Variants in ARID2 observed in about 807,000 individuals in gnomAD.
The protein encoded by ARID2 is AT-rich interactive domain-containing protein 2.
Under a neutral mutation model 184.6 loss-of-function variants are expected in ARID2, and 32 were observed. That is an observed-to-expected ratio of 0.17 (90% CI 0.13 to 0.23). ARID2 has a LOEUF of 0.23. ARID2 is among the 10% of genes least tolerant of loss of function. The pLI, the probability that ARID2 is intolerant of heterozygous loss-of-function variation, is 1.00. For missense variants in ARID2, 1,696 were observed against 2,197.6 expected, an observed-to-expected ratio of 0.77 and a Z score of 4.56; for synonymous variants, 836 against 772.6, an observed-to-expected ratio of 1.08 and a Z score of -1.36.
At chr12:45,742,118 A>T (rs139488035) in intron 3 of ARID2, among the ~76,000 whole-genome samples, 212 of 152,290 alleles carry the variant, frequency 1.4e-3, no homozygotes, top group Admixed American at 3.7e-3. Flanking sequence ...CAAACCTACC[A>T]AGTAGCTACA....
At chr12:45,821,886 T>C (rs946364586) in intron 6 of ARID2, among the ~76,000 whole-genome samples, 6 of 152,194 alleles carry the variant, frequency 3.9e-5, no homozygotes, top group African/African-American at 1.4e-4. Flanking sequence ...GATTAGTAAG[T>C]GTCCATCTAG....
chr12:45,875,583 G>C (rs1277266740), intron 16 of ARID2, among the ~76,000 whole-genome samples: 1 of 152,204 alleles, frequency 6.6e-6, no homozygotes, highest in Admixed American at 6.5e-5. Context: ...TCTTCTTCCA[G>C]TAAAAGGCTG....
rs763349190 is a variant in ARID2 at position 45,905,200 on chromosome 12, C to T, written c.*122C>T. 7.1e-6 allele frequency: 7 copies of T among 991,986 alleles called. No individual in the cohort carries two copies. The highest frequency in any genetic ancestry group is 5.6e-6 in the Non-Finnish European group (4 of 712,386). 61.4% of individuals were successfully genotyped at this position (991,986 alleles called of 1,614,324 possible). ...TAGAATGAATTATTTTATCTCCTCC[C>T]ATGATGCTGAGAGGAAGCTTCGTAT... On this transcript the variant is annotated 3_prime_UTR_variant, in exon 21 of 21. Coordinates refer to ENST00000334344, the MANE Select transcript of ARID2 (RefSeq NM_152641.4).
At position 45,852,883 on chromosome 12, in the gene ARID2, A is replaced by G; in HGVS notation, c.4760A>G (p.Asn1587Ser). ...CAGCATCCACCAACATATGTACAGA[A>G]TGTGGTCCCGCAGGTAAGTTATTCC... ...KQQHPPTYVQ[N>S]VVPQNTPMPP... Residue 1587 changes from asparagine (N) to serine (S), a missense_variant, in exon 15 of 21, where the codon AAT becomes AGT. This residue lies in a region of ARID2 where 111 missense variants were observed against 154.0 expected (regional missense o/e 0.72). Transcript: ENST00000334344. 5.1e-6 allele frequency: 8 copies of G among 1,581,378 alleles called. No individual in the cohort carries two copies. Among genetic ancestry groups the G allele is most frequent in the Non-Finnish European group, 6.9e-6 (8 of 1,162,338 alleles).
At chr12:45,788,692 C>G (rs139331815) in intron 3 of ARID2, among the ~76,000 whole-genome samples, 3 of 152,054 alleles carry the variant, frequency 2.0e-5, no homozygotes, top group African/African-American at 7.2e-5. Context: ...TTTCTACCAC[C>G]CTTTTTGTTT....
Position 45,852,520 on chromosome 12 carries a change from G to A in ARID2, c.4397G>A (p.Ser1466Asn). Residue 1466 changes from serine (S) to asparagine (N), a missense_variant, in exon 15 of 21, where the codon AGT becomes AAT. Coordinates refer to ENST00000334344, the MANE Select transcript of ARID2 (RefSeq NM_152641.4). ...TCAGATGTGCCTCAGCAACGCCCAA[G>A]TGTAGTTGTCTCACCACATTCTACA... ...LNSDVPQQRP[S>N]VVVSPHSTTS... 6.2e-7 allele frequency: 1 copy of A among 1,614,194 alleles called. No homozygotes were observed. The highest frequency in any genetic ancestry group is 8.5e-7 in the Non-Finnish European group (1 of 1,180,024).
At chr12:45,813,441 TGTGC>T (rs1388391565) in intron 4 of ARID2, among the ~76,000 whole-genome samples, 1 of 143,356 alleles carries the variant, frequency 7.0e-6, no homozygotes, top group Non-Finnish European at 1.5e-5. Flanking sequence ...TCCGTGTGTG[TGTGC>T]GTGCATGTGT....
At chr12:45,863,855 TTG>T (rs200071973) in intron 16 of ARID2, among the ~76,000 whole-genome samples, 7,986 of 20,918 alleles carry the variant, frequency 0.38, 856 homozygotes, top group African/African-American at 0.5. Flanking sequence ...CCTTTTTTTT[TTG>T]TTTTTTTTTT....
At chr12:45,822,214 C>T (rs1487236612) in intron 6 of ARID2, among the ~76,000 whole-genome samples, 1 of 152,096 alleles carries the variant, frequency 6.6e-6, no homozygotes, top group South Asian at 2.1e-4. Flanking sequence ...AAAAGTAGCT[C>T]TCTTGGGCTG....
intron 3 of ARID2, among the ~76,000 whole-genome samples, chr12:45,788,693 C>CT (rs1234813523): frequency 6.6e-6 from 1 of 152,094 alleles, no homozygotes; most frequent in East Asian, 1.9e-4. Context: ...TTCTACCACC[C>CT]TTTTTGTTTC....
chr12:45,856,734 A>C (rs1474928479), intron 15 of ARID2, among the ~76,000 whole-genome samples: 1 of 152,202 alleles, frequency 6.6e-6, no homozygotes, highest in African/African-American at 2.4e-5. Flanking sequence ...TACAGAAAAA[A>C]ATAGCAACAA....
In ARID2 at chr12:45,848,928, G is replaced by T; in HGVS notation, c.1673G>T (p.Arg558Leu). Residue 558 changes from arginine (R) to leucine (L), a missense_variant, in exon 13 of 21, where the codon CGT becomes CTT. Physicochemically the swap from Arg to Leu is moderately radical, Grantham distance 102 (BLOSUM62 -2). This residue lies in a region of ARID2 where 713 missense variants were observed against 824.4 expected (regional missense o/e 0.86). Coordinates refer to ENST00000334344, the MANE Select transcript of ARID2 (RefSeq NM_152641.4). ...CTCTCGACTTGCAGTAAATTAGCTC[G>T]TGGTGGAATCCTAACATCAACTGGA... ...EYLSTCSKLA[R>L]GGILTSTGFY... 6.2e-7 allele frequency: 1 copy of T among 1,612,540 alleles called. No individual in the cohort carries two copies. The highest frequency in any genetic ancestry group is 1.1e-5 in the South Asian group (1 of 90,938).
In ARID2 at chr12:45,852,584, C is replaced by T. The variant is rs770783586; in HGVS notation, c.4461C>T (p.Pro1487=). 1.4e-5 allele frequency: 22 copies of T among 1,614,004 alleles called. No individual in the cohort carries two copies. The highest frequency in any genetic ancestry group is 3.3e-5 in the Admixed American group (2 of 59,994). Reference sequence around the variant, plus strand: ...AGGGACATCAAATCATAGCAGTTCCCGACTCAGGATCAAAAGTATCCCATT... The same window carrying T: ...AGGGACATCAAATCATAGCAGTTCCTGACTCAGGATCAAAAGTATCCCATT... ...VIQGHQIIAV[P]DSGSKVSHSP... The change falls in exon 15 of 21, where the codon CCC becomes CCT. Residue 1487 remains proline (P), a synonymous_variant. Transcript: ENST00000334344.
intron 18 of ARID2, among the ~76,000 whole-genome samples, chr12:45,893,137 A>G (rs937266583): frequency 2.6e-5 from 4 of 152,216 alleles, no homozygotes; most frequent in African/African-American, 9.6e-5. Context: ...TCTTGATTGC[A>G]TACTTACCCA....
At chr12:45,801,318 A>AG (rs1020763610) in intron 3 of ARID2, among the ~76,000 whole-genome samples, 5 of 140,684 alleles carry the variant, frequency 3.6e-5, no homozygotes, top group Admixed American at 2.1e-4. Flanking sequence ...TCTCAAAAAA[A>AG]GAAAAAAAAA....
intron 16 of ARID2, among the ~76,000 whole-genome samples, chr12:45,861,922 A>G (rs1274637506): frequency 6.6e-6 from 1 of 152,130 alleles, no homozygotes. Flanking sequence ...GATATCAAAG[A>G]TTCCATTTCA....
At chr12:45,783,603 A>G (rs1365017802) in intron 3 of ARID2, among the ~76,000 whole-genome samples, 1 of 152,230 alleles carries the variant, frequency 6.6e-6, no homozygotes, top group African/African-American at 2.4e-5. Context: ...GATTCTCATA[A>G]TGAGCATGGA....
rs2138093248 is a variant in ARID2, at chr12:45,817,815, G to A, written c.564G>A (p.Lys188=). Residue 188 remains lysine (K), a synonymous_variant, in exon 5 of 21, where the codon AAG becomes AAA. Transcript: ENST00000334344. ...NVCTLLSNES[K]HVMQLEKDPK... ...GCACTCTCCTATCAAATGAAAGCAA[G>A]CACGTCATGCAACTTGAAAAAGATC... The A allele has an allele frequency of 6.2e-7, 1 of 1,613,280 alleles. No homozygotes were observed. Among genetic ancestry groups the A allele is most frequent in the Non-Finnish European group, 8.5e-7 (1 of 1,179,760 alleles).
At chr12:45,815,220 A>G (rs1163531112) in intron 4 of ARID2, among the ~76,000 whole-genome samples, 1 of 152,222 alleles carries the variant, frequency 6.6e-6, no homozygotes, top group Non-Finnish European at 1.5e-5. Context: ...AATTATTGCT[A>G]AGACTTGGCT....
Sources: allele counts gnomAD v4.1 joint callset (sites outside exome capture counted in the v4.1 genomes callset), GRCh38; gene constraint gnomAD v4.1.1; regional missense constraint gnomAD v4.1.1; transcripts MANE v1.5; gene names NCBI Gene and HGNC (gene_info 2026-07-23, HGNC 2026-07-21).